SVEP1: variants seen among roughly 807,000 people sequenced by gnomAD.
SVEP1 encodes sushi, von Willebrand factor type A, EGF and pentraxin domain containing 1, also known as sushi, von Willebrand factor type A, EGF and pentraxin domain-containing protein 1.
SVEP1 carries 164 observed loss-of-function variants against 367.3 expected under a neutral mutation model. The observed-to-expected ratio is 0.45, with a 90% CI of 0.39 to 0.51. The LOEUF is 0.51. Ranked by LOEUF, SVEP1 falls within the 20% of genes least tolerant of loss-of-function variation. SVEP1 has a pLI of 0.00. For missense variants in SVEP1, 4,117 were observed against 4,425.3 expected, an observed-to-expected ratio of 0.93 and a Z score of 1.98; for synonymous variants, 1,666 against 1,611.6, an observed-to-expected ratio of 1.03 and a Z score of -0.81.
chr9:110,573,688 C>G (rs1003981140), intron 1 of SVEP1, among the ~76,000 whole-genome samples: 11 of 152,098 alleles, frequency 7.2e-5, no homozygotes, highest in African/African-American at 2.7e-4. Flanking sequence ...TGAGAAGAGC[C>G]TGGCATTCAC....
At chr9:110,508,077 C>A (rs1252898042) in intron 5 of SVEP1, among the ~76,000 whole-genome samples, 1 of 152,206 alleles carries the variant, frequency 6.6e-6, no homozygotes, top group African/African-American at 2.4e-5. Flanking sequence ...AATAGGTACA[C>A]ACTTCTTAAA....
intron 12 of SVEP1, among the ~76,000 whole-genome samples, chr9:110,480,703 T>C (rs1829172027): frequency 6.6e-6 from 1 of 152,026 alleles, no homozygotes; most frequent in Admixed American, 6.6e-5. Flanking sequence ...GTGATCAAAG[T>C]TCCCTGCAGT....
chr9:110,376,750 C>T (rs984071), intron 45 of SVEP1: 42,110 of 152,164 alleles, frequency 0.28, 6,426 homozygotes, highest in Middle Eastern at 0.5. Context: ...CCTGGAATTT[C>T]AAATTGTTTC....
intron 35 of SVEP1, 21 bp from the exon 36 acceptor site, chr9:110,427,779 ACT>A (rs779344000): frequency 1.9e-6 from 3 of 1,598,020 alleles, no homozygotes; most frequent in South Asian, 2.3e-5. Flanking sequence ...GAATGATGTT[ACT>A]CTTTCATTGG....
rs771606190 is a variant in SVEP1 at position 110,579,381 on chromosome 9, C to G, written c.163G>C (p.Glu55Gln). Residue 55 changes from glutamate (E) to glutamine (Q), a missense_variant, in exon 1 of 48, where the codon GAA becomes CAA. Glu to Gln is a conservative substitution (Grantham distance 29). Coordinates refer to ENST00000374469, the MANE Select transcript of SVEP1 (RefSeq NM_153366.4). The surrounding 1 kb of genome is among the most constrained non-coding windows in gnomAD (Gnocchi z 5.3). ...CGCTCCACTCTGCTCCCCGCCGCTTCGTCGCCAGGAGCGGGCGGCGCGGGG... is the reference window on the plus strand; with the variant it reads ...CGCTCCACTCTGCTCCCCGCCGCTTGGTCGCCAGGAGCGGGCGGCGCGGGG... ...SIPAPPAPGD[E>Q]AAGSRVERLG... The G allele has an allele frequency of 2.6e-6, 4 of 1,564,758 alleles. No individual in the cohort carries two copies. The South Asian group carries it at 4.7e-5, about 18-fold the overall frequency.
rs189780607 is a variant in SVEP1 at position 110,515,546 on chromosome 9, C to T, written c.965-1440G>A. Among the ~76,000 whole-genome samples the T allele has an allele frequency of 6.5e-3, 990 of 152,124 alleles. 12 individuals are homozygous for T. Among genetic ancestry groups the T allele is most frequent in the African/African-American group, 0.022 (932 of 41,502 alleles). ...CAATCTCCTGACCTCATGATCCGCCCGCCTCAGCCTCCCAAAGTGCTGGGA... is the reference window on the plus strand; with the variant it reads ...CAATCTCCTGACCTCATGATCCGCCTGCCTCAGCCTCCCAAAGTGCTGGGA... On this transcript the variant is annotated intron_variant, in intron 3 of 47. Coordinates refer to ENST00000374469, the MANE Select transcript of SVEP1 (RefSeq NM_153366.4).
chr9:110,503,114 C>A lies in SVEP1; in HGVS notation c.1407G>T (p.Gly469=), dbSNP rs746283453. The A allele has an allele frequency of 6.2e-7, 1 of 1,612,406 alleles. No individual in the cohort carries two copies. Among genetic ancestry groups the A allele is most frequent in the Admixed American group, 1.7e-5 (1 of 59,876 alleles). The change falls in exon 6 of 48, where the codon GGG becomes GGT. Residue 469 remains glycine (G), a synonymous_variant. Coordinates refer to ENST00000374469, the MANE Select transcript of SVEP1 (RefSeq NM_153366.4). ...GCTTATCACTGCCTTCTAGTCTGTACCCTTCATCACAGGCAACCAAACATG... is the reference window on the plus strand; with the variant it reads ...GCTTATCACTGCCTTCTAGTCTGTAACCTTCATCACAGGCAACCAAACATG... The part of the protein sequence containing the change: ...KTTCLVACDE[G]YRLEGSDKLT...
In SVEP1 at chr9:110,409,420, TAAAGGGAAGAAAG is replaced by T. The variant is rs1157555120; in HGVS notation, c.6649-482_6649-470del. On this transcript the variant is annotated intron_variant, in intron 37 of 47. Coordinates refer to ENST00000374469, the MANE Select transcript of SVEP1 (RefSeq NM_153366.4). ...CTGGGAGACAGAGCAAGACTCTGTC[TAAAGGGAAGAAAG>T]AAAAGAAAGAAAAAAAGAAAATCAA... Among the ~76,000 whole-genome samples, 207 of 152,160 alleles carry T rather than the reference TAAAGGGAAGAAAG, an allele frequency of 1.4e-3. 1 individual carries two copies. Among genetic ancestry groups the T allele is most frequent in the African/African-American group, 4.5e-3 (188 of 41,494 alleles).
At chr9:110,505,717 TCA>T (rs1242455333) in intron 5 of SVEP1, among the ~76,000 whole-genome samples, 10 of 152,052 alleles carry the variant, frequency 6.6e-5, no homozygotes, top group Non-Finnish European at 1.2e-4. Context: ...TCTCTTTCTC[TCA>T]CACACACATA....
chr9:110,425,774 G>A (rs529426105), intron 36 of SVEP1, among the ~76,000 whole-genome samples: 12 of 152,254 alleles, frequency 7.9e-5, no homozygotes, highest in African/African-American at 1.4e-4. Flanking sequence ...AGAGGAAAAG[G>A]TATAAATCTG....
intron 1 of SVEP1, among the ~76,000 whole-genome samples, chr9:110,559,050 T>C (rs1226228230): frequency 2.6e-5 from 4 of 152,146 alleles, no homozygotes; most frequent in African/African-American, 9.7e-5. Context: ...TATACCTCAT[T>C]AGTATGATAG....
chr9:110,560,800 T>G (rs1830417974), intron 1 of SVEP1, among the ~76,000 whole-genome samples: 1 of 152,214 alleles, frequency 6.6e-6, no homozygotes, highest in Non-Finnish European at 1.5e-5. Context: ...CCAAGTTATC[T>G]ATCTAAATCA....
intron 40 of SVEP1, among the ~76,000 whole-genome samples, 161 bp downstream of exon 40, chr9:110,400,693 G>C (rs1827845011): frequency 6.6e-6 from 1 of 152,078 alleles, no homozygotes; most frequent in Admixed American, 6.6e-5. Flanking sequence ...ACTCTAAGTT[G>C]CCTTAAATAT....
intron 1 of SVEP1, among the ~76,000 whole-genome samples, chr9:110,578,516 C>T (rs549317531): frequency 6.6e-6 from 1 of 152,028 alleles, no homozygotes; most frequent in Non-Finnish European, 1.5e-5. Context: ...TACAAAAGTC[C>T]GACATCCCAA....
chr9:110,369,654 T>C (rs970214743), intron 47 of SVEP1: 1 of 337,398 alleles, frequency 3.0e-6, no homozygotes, highest in Non-Finnish European at 5.4e-6. Context: ...ACTAATCCTC[T>C]CTGTGAAGTT....
intron 36 of SVEP1, among the ~76,000 whole-genome samples, chr9:110,425,239 T>C (rs1828234542): frequency 6.6e-6 from 1 of 152,216 alleles, no homozygotes. Context: ...TTCATATTAA[T>C]TTGATTAGCT....
intron 36 of SVEP1, among the ~76,000 whole-genome samples, chr9:110,415,625 C>T (rs1221558521): frequency 6.6e-6 from 1 of 151,894 alleles, no homozygotes; most frequent in Non-Finnish European, 1.5e-5. Context: ...CAATCAACTC[C>T]TTGGGGAAAA....
intron 3 of SVEP1, among the ~76,000 whole-genome samples, chr9:110,518,882 G>C: frequency 6.6e-6 from 1 of 152,046 alleles, no homozygotes. Context: ...TATAAATTCA[G>C]TCAAATCATT....
intron 5 of SVEP1, among the ~76,000 whole-genome samples, chr9:110,511,318 T>G (rs1294169855): frequency 6.6e-6 from 1 of 152,128 alleles, no homozygotes; most frequent in Non-Finnish European, 1.5e-5. Flanking sequence ...GTTCTCTCTC[T>G]GGATTCCTCA....
Sources: allele counts gnomAD v4.1 joint callset (sites outside exome capture counted in the v4.1 genomes callset), GRCh38; gene constraint gnomAD v4.1.1; non-coding constraint Gnocchi (gnomAD v3.1); transcripts MANE v1.5; gene names NCBI Gene and HGNC (gene_info 2026-07-23, HGNC 2026-07-21).